Variants in IL1RL2 observed in about 807,000 individuals in gnomAD.
IL1RL2 encodes interleukin-1 receptor-like 2.
Under a neutral mutation model 66.8 loss-of-function variants are expected in IL1RL2, and 68 were observed. The ratio of observed to expected loss-of-function variants is 1.02; its 90% CI spans 0.84 to 1.25. The LOEUF is 1.25. IL1RL2 is among the 50% of genes most tolerant of loss of function. The pLI, the probability that IL1RL2 is intolerant of heterozygous loss-of-function variation, is 0.00. For synonymous variants in IL1RL2, 305 were observed against 264.6 expected, an observed-to-expected ratio of 1.15 and a Z score of -1.48; for missense variants, 729 against 709.3, an observed-to-expected ratio of 1.03 and a Z score of -0.32.
At position 102,232,985 on chromosome 2, in the gene IL1RL2, T is replaced by C; in HGVS notation, c.1158T>C (p.Tyr386=). 1 of 1,613,626 alleles carries C rather than the reference T, an allele frequency of 6.2e-7. No individual in the cohort carries two copies. Among genetic ancestry groups the C allele is most frequent in the East Asian group, 2.2e-5 (1 of 44,876 alleles). ...TIVDGKLYDA[Y]VLYPKPHKES... is the part of the protein sequence containing the mutation. The stretch of plus-strand genomic sequence containing the variant: ...CAGATGGGAAGCTGTATGACGCCTA[T>C]GTCTTATACCCCAAGCCCCACAAGG... Residue 386 remains tyrosine (Y), a synonymous_variant, in exon 10 of 12, where the codon TAT becomes TAC. Transcript: ENST00000264257.
rs145527439 is a variant in IL1RL2 at position 102,239,232 on chromosome 2, G to C, written c.1719G>C (p.Thr573=). The C allele has an allele frequency of 3.1e-5, 50 of 1,613,866 alleles. 1 individual carries two copies. Among genetic ancestry groups the C allele is most frequent in the African/African-American group, 1.6e-4 (12 of 75,034 alleles). The stretch of plus-strand genomic sequence containing the variant: ...CAAGAAGAAAGAAGTGTACTCTCAC[G>C]ACTGGCTAAGACTTGCTGGACTGAC... ...LGSRRKKCTL[T]TG Residue 573 remains threonine, a synonymous_variant, in exon 12 of 12, where the codon ACG becomes ACC. Transcript: ENST00000264257.
intron 6 of IL1RL2, 34 bp downstream of exon 6, chr2:102,212,208 A>AG (rs771141042): frequency 5.0e-6 from 7 of 1,411,098 alleles, no homozygotes; most frequent in Non-Finnish European, 7.0e-6. Flanking sequence ...TGAAATCACC[A>AG]GGGGAAGAGC....
Position 102,233,000 on chromosome 2 carries a change from GC to G in IL1RL2, c.1177del (p.His393ThrfsTer14). 1 of 1,614,124 alleles carries G rather than the reference GC, an allele frequency of 6.2e-7. No homozygotes were observed. The highest frequency in any genetic ancestry group is 8.5e-7 in the Non-Finnish European group (1 of 1,180,000). On this transcript the variant is annotated frameshift_variant, in exon 10 of 12. Transcript: ENST00000264257. LOFTEE classifies it high-confidence loss of function. ...ATGACGCCTATGTCTTATACCCCAA[GC>G]CCCACAAGGAAAGCCAGAGGCATGC... ...LYDAYVLYPKPHKESQRHAVD... is the reference protein window; with the variant it reads ...LYDAYVLYPKXHKESQRHAVD...
chr2:102,232,083 C>T (rs1022400797), intron 9 of IL1RL2, among the ~76,000 whole-genome samples: 10 of 149,846 alleles, frequency 6.7e-5, no homozygotes, highest in Non-Finnish European at 1.3e-4. Flanking sequence ...AGTGCAGTGG[C>T]GTGATCATAG....
intron 2 of IL1RL2, among the ~76,000 whole-genome samples, 161 bp downstream of exon 2, chr2:102,188,086 C>T (rs1051970031): frequency 1.3e-5 from 2 of 149,540 alleles, no homozygotes; most frequent in African/African-American, 4.9e-5. Flanking sequence ...AGAACCAGCT[C>T]CACGTGCTCG....
At chr2:102,219,784 G>C (rs1689937228) in intron 7 of IL1RL2, 97 bp from the exon 8 acceptor site, 1 of 1,212,004 alleles carries the variant, frequency 8.3e-7, no homozygotes, top group Non-Finnish European at 1.2e-6. Context: ...GGCCCAAAGT[G>C]TTCTCAAAGA....
intron 3 of IL1RL2, among the ~76,000 whole-genome samples, chr2:102,190,221 G>A (rs557510968): frequency 2.6e-5 from 4 of 152,302 alleles, no homozygotes; most frequent in African/African-American, 7.2e-5. Flanking sequence ...AGGGAATATG[G>A]AAATCGGAAT....
chr2:102,212,237 C>T (rs1416186420), intron 6 of IL1RL2, 63 bp downstream of exon 6: 1 of 1,180,682 alleles, frequency 8.5e-7, no homozygotes, highest in African/African-American at 1.5e-5. Context: ...TTTGCATATT[C>T]TGGTGAATAT....
chr2:102,240,696 C>T (rs1205084527), downstream of IL1RL2, among the ~76,000 whole-genome samples: 2 of 152,192 alleles, frequency 1.3e-5, no homozygotes, highest in African/African-American at 4.8e-5. Context: ...CTGTCAATCA[C>T]GATACTTTGG....
chr2:102,218,827 G>A (rs1559550970), intron 6 of IL1RL2, 126 bp from the exon 7 acceptor site: 1 of 780,470 alleles, frequency 1.3e-6, no homozygotes, highest in African/African-American at 1.8e-5. Flanking sequence ...TTTGCCTAGG[G>A]GGCTATTTCT....
chr2:102,225,187 G>A (rs929164194), intron 8 of IL1RL2, among the ~76,000 whole-genome samples: 9 of 152,190 alleles, frequency 5.9e-5, no homozygotes, highest in Admixed American at 5.2e-4. Flanking sequence ...CAGAGGAGCT[G>A]GTTCTGCTCC....
chr2:102,223,621 C>T (rs981532228), intron 8 of IL1RL2, among the ~76,000 whole-genome samples: 1 of 152,204 alleles, frequency 6.6e-6, no homozygotes, highest in Non-Finnish European at 1.5e-5. Context: ...GGCATCAGTA[C>T]TCTCGAAGGC....
intron 4 of IL1RL2, among the ~76,000 whole-genome samples, chr2:102,194,877 G>A (rs1291644437): frequency 6.6e-6 from 1 of 151,902 alleles, no homozygotes; most frequent in East Asian, 1.9e-4. Context: ...CCTCCTGAGT[G>A]GCTGCGGGTT....
At chr2:102,205,659 C>G (rs974237350) in intron 5 of IL1RL2, among the ~76,000 whole-genome samples, 32 of 152,120 alleles carry the variant, frequency 2.1e-4, no homozygotes, top group Non-Finnish European at 3.8e-4. Context: ...CTTTTAGAAT[C>G]CTTTCTTTAT....
chr2:102,224,583 G>A (rs938617677), intron 8 of IL1RL2, among the ~76,000 whole-genome samples: 15 of 152,150 alleles, frequency 9.9e-5, no homozygotes, highest in Admixed American at 2.6e-4. Flanking sequence ...GTGGTGAAGC[G>A]GGGATAAAGA....
chr2:102,187,724 AG>A, intron 1 of IL1RL2, 131 bp from the exon 2 acceptor site: 1 of 766,162 alleles, frequency 1.3e-6, no homozygotes, highest in South Asian at 1.5e-5. Context: ...CCAAAGTCGG[AG>A]GGCTCCCCAG....
intron 7 of IL1RL2, 60 bp downstream of exon 7, chr2:102,219,142 A>T: frequency 6.3e-7 from 1 of 1,585,730 alleles, no homozygotes; most frequent in Non-Finnish European, 8.7e-7. Flanking sequence ...CATCTAAGTG[A>T]ATCTGGTATC....
chr2:102,189,050 GT>G (rs770447112), intron 2 of IL1RL2, 25 bp from the exon 3 acceptor site: 6 of 1,543,482 alleles, frequency 3.9e-6, no homozygotes, highest in South Asian at 1.1e-5. Flanking sequence ...ATGGATAATT[GT>G]TTTGTTTTGT....
chr2:102,240,174 C>T (rs1418105051), downstream of IL1RL2, among the ~76,000 whole-genome samples: 1 of 152,076 alleles, frequency 6.6e-6, no homozygotes, highest in East Asian at 1.9e-4. Context: ...AAAAGTTGGG[C>T]AAAACCCAAC....
Sources: allele counts gnomAD v4.1 joint callset (sites outside exome capture counted in the v4.1 genomes callset), GRCh38; gene constraint gnomAD v4.1.1; transcripts MANE v1.5; gene names NCBI Gene and HGNC (gene_info 2026-07-23, HGNC 2026-07-21).